Variants in WAPL observed in about 807,000 individuals in gnomAD.
WAPL encodes WAPL cohesin release factor, also known as wings apart-like protein homolog.
Under a neutral mutation model 121.0 loss-of-function variants are expected in WAPL, and 5 were observed. The ratio of observed to expected loss-of-function variants is 0.04; its 90% CI spans 0.02 to 0.09. The LOEUF (loss-of-function observed/expected upper bound fraction) is 0.09. Ranked by LOEUF, WAPL falls within the 10% of genes least tolerant of loss-of-function variation. WAPL has a pLI of 1.00. For missense variants in WAPL, 999 were observed against 1,410.8 expected (o/e 0.71, Z 4.68); for synonymous variants, 480 against 481.5 (o/e 1.00, Z 0.04).
At chr10:86,464,375 C>A (rs1054145464) in intron 9 of WAPL, among the ~76,000 whole-genome samples, 6 of 152,110 alleles carry the variant, frequency 3.9e-5, no homozygotes, top group Non-Finnish European at 1.5e-5. Context: ...TCAAGTTTAT[C>A]ATGTTATTTA....
In WAPL at chr10:86,477,715, C is replaced by T. The variant is rs141670104; in HGVS notation, c.1645-3742G>A. Reference sequence around the variant, plus strand: ...ACTTGGGAGGCTGAGGCAGGAGAATCGCTTGAACCCAGAAGGTAGAGGCTG... The same window carrying T: ...ACTTGGGAGGCTGAGGCAGGAGAATTGCTTGAACCCAGAAGGTAGAGGCTG... On this transcript the variant is annotated intron_variant, in intron 4 of 18. Coordinates refer to ENST00000298767, the MANE Select transcript of WAPL (RefSeq NM_015045.5). Among the ~76,000 whole-genome samples the T allele has an allele frequency of 4.4e-3, 671 of 152,150 alleles. 6 individuals carry two copies. The highest frequency in any genetic ancestry group is 5.2e-3 in the Non-Finnish European group (355 of 68,000).
intron 16 of WAPL, among the ~76,000 whole-genome samples, chr10:86,444,988 T>C (rs1013413400): frequency 2.7e-5 from 4 of 149,388 alleles, no homozygotes; most frequent in African/African-American, 9.9e-5. Context: ...GGTGATCAGA[T>C]TTGGGGAGGA....
At chr10:86,450,734 T>G (rs886420370) in intron 15 of WAPL, among the ~76,000 whole-genome samples, 5 of 152,232 alleles carry the variant, frequency 3.3e-5, no homozygotes, top group Non-Finnish European at 5.9e-5. Context: ...AATGATAATC[T>G]ATCACTAGTT....
At chr10:86,520,562 C>T (rs1842655644) in intron 1 of WAPL, among the ~76,000 whole-genome samples, 1 of 152,048 alleles carries the variant, frequency 6.6e-6, no homozygotes, top group Admixed American at 6.6e-5. Context: ...AAGCGTAAAG[C>T]ACTACAGATT....
In WAPL at chr10:86,472,490, AAAG is replaced by A; in HGVS notation, c.1893+119_1893+121del. The A allele has an allele frequency of 4.6e-6, 7 of 1,510,210 alleles. No homozygotes were observed. The highest frequency in any genetic ancestry group is 6.2e-6 in the Non-Finnish European group (7 of 1,126,068). The allele number at this position is 1,510,210 out of a possible 1,614,324, so 93.6% of individuals were successfully genotyped here. ...TTAGAACAAGGATGATGGTAGGACA[AAAG>A]AAGTTTGTGGTTCAAAACTGAGTAT... is the stretch of plus-strand genomic sequence containing the variant. On this transcript the variant is annotated intron_variant, in intron 6 of 18. Transcript: ENST00000298767. This position sits in a 1 kb window ranked among gnomAD's most constrained non-coding sequence, Gnocchi z 4.2.
intron 3 of WAPL, among the ~76,000 whole-genome samples, chr10:86,499,378 C>A (rs1379317847): frequency 6.6e-6 from 1 of 152,132 alleles, no homozygotes; most frequent in Admixed American, 6.5e-5. Flanking sequence ...AGTAGCCCCC[C>A]CAGCCATCAA....
chr10:86,495,713 TA>T (rs1842136395), intron 4 of WAPL, among the ~76,000 whole-genome samples: 1 of 152,072 alleles, frequency 6.6e-6, no homozygotes, highest in Non-Finnish European at 1.5e-5. Flanking sequence ...ACAATATCAA[TA>T]CAGTGAAAAA....
At chr10:86,517,424 T>C in intron 2 of WAPL, 147 bp downstream of exon 2, 1 of 1,232,608 alleles carries the variant, frequency 8.1e-7, no homozygotes, top group Non-Finnish European at 1.1e-6. Context: ...TTTAAAGTTC[T>C]TAAATGTCTT....
intron 4 of WAPL, among the ~76,000 whole-genome samples, chr10:86,488,282 T>A (rs1428217377): frequency 6.6e-6 from 1 of 152,200 alleles, no homozygotes; most frequent in African/African-American, 2.4e-5. Flanking sequence ...AGAGAGGGCC[T>A]AGAAGCAATG....
chr10:86,477,207 A>G (rs949945879), intron 4 of WAPL, among the ~76,000 whole-genome samples: 3 of 152,212 alleles, frequency 2.0e-5, no homozygotes, highest in Admixed American at 2.0e-4. Flanking sequence ...GAAACAGGGA[A>G]AGAGAGAAAA....
Position 86,472,603 on chromosome 10 carries a change from G to C in WAPL, c.1893+9C>G. ...CAACATGCAGTAAACACTGTATATG[G>C]CTGCTTACTTCTTTGTCTTCTCGTC... On this transcript the variant is annotated intron_variant, in intron 6 of 18. Coordinates refer to ENST00000298767, the MANE Select transcript of WAPL (RefSeq NM_015045.5). This position sits in a 1 kb window ranked among gnomAD's most constrained non-coding sequence, Gnocchi z 4.2. The C allele has an allele frequency of 2.5e-6, 4 of 1,612,622 alleles. No homozygotes were observed. Among genetic ancestry groups the C allele is most frequent in the Non-Finnish European group, 3.4e-6 (4 of 1,179,542 alleles).
At chr10:86,516,932 A>C (rs1296149216) in intron 2 of WAPL, among the ~76,000 whole-genome samples, 1 of 152,032 alleles carries the variant, frequency 6.6e-6, no homozygotes, top group East Asian at 1.9e-4. Flanking sequence ...AAAATACAAA[A>C]ATTAGCCAGG....
chr10:86,447,752 T>C lies in WAPL; in HGVS notation c.3115-1303A>G, dbSNP rs552290777. Among the ~76,000 whole-genome samples the C allele has an allele frequency of 2.0e-5, 3 of 152,298 alleles. No homozygotes were observed. In the South Asian group the frequency reaches 6.2e-4, roughly 32 times the overall value. Reference sequence around the variant, plus strand: ...GGAAATTATGCCCACAGACATACTTTGAAAAGTATGGCCTGGCCATGCAGG... The same window carrying C: ...GGAAATTATGCCCACAGACATACTTCGAAAAGTATGGCCTGGCCATGCAGG... On this transcript the variant is annotated intron_variant, in intron 15 of 18. Coordinates refer to ENST00000298767, the MANE Select transcript of WAPL (RefSeq NM_015045.5).
At position 86,453,278 on chromosome 10, in the gene WAPL, C is replaced by A; in HGVS notation, c.2891G>T (p.Cys964Phe). The change falls in exon 14 of 19, where the codon TGT becomes TTT. Residue 964 changes from cysteine (C) to phenylalanine (F), a missense_variant. By Grantham distance (205) the Cys-to-Phe change is radical. Around this residue, in one of 7 missense-constraint regions of WAPL, gnomAD observed 85 missense variants for 133.5 expected, o/e 0.64. Coordinates refer to ENST00000298767, the MANE Select transcript of WAPL (RefSeq NM_015045.5). ...TAGGTACTTTGGAACCTGAAGCACA[C>A]AGTTCAGCGCTGTGCCTATGAGACC... is the stretch of plus-strand genomic sequence containing the variant. ...QDGLIGTALN[C>F]VLQVPKYLPQ... The A allele has an allele frequency of 1.2e-6, 2 of 1,614,136 alleles. No homozygotes were observed. The highest frequency in any genetic ancestry group is 1.7e-6 in the Non-Finnish European group (2 of 1,180,026).
chr10:86,505,885 T>C (rs1254002233), intron 2 of WAPL, among the ~76,000 whole-genome samples: 4 of 151,934 alleles, frequency 2.6e-5, no homozygotes, highest in East Asian at 3.8e-4. Flanking sequence ...AATGGGGACT[T>C]GTAAGAAAGA....
Position 86,509,955 on chromosome 10 carries a change from C to A in WAPL, c.499+7616G>T, listed in dbSNP as rs531562052. ...AATTTTTGTTATTTTTAGTAAAGAC[C>A]GGGTTTTACCATGTTGGCCAGGCTG... On this transcript the variant is annotated intron_variant, in intron 2 of 18. Transcript: ENST00000298767. Among the ~76,000 whole-genome samples the A allele has an allele frequency of 4.3e-4, 65 of 150,712 alleles. 2 individuals are homozygous for A. In the South Asian group the frequency reaches 0.013, roughly 30 times the overall value.
At chr10:86,516,232 T>C (rs1420795197) in intron 2 of WAPL, among the ~76,000 whole-genome samples, 16 of 152,008 alleles carry the variant, frequency 1.1e-4, no homozygotes, top group Admixed American at 1.0e-3. Flanking sequence ...TGAGGAGAAA[T>C]GTGGGCAAAG....
chr10:86,467,369 C>T lies in WAPL; in HGVS notation c.2280G>A (p.Leu760=), dbSNP rs778144509. Residue 760 remains leucine (L), a synonymous_variant, in exon 9 of 19, where the codon CTG becomes CTA. Transcript: ENST00000298767. ...TAATTTTGTTCATGTCTTTTTCATT[C>T]AGTAGCTTGGCTGATGAAGCATCTT... is the stretch of plus-strand genomic sequence containing the variant. ...LEQDASSAKL[L]NEKDMNKIKE... is the part of the protein sequence containing the mutation. 33 of 1,613,992 alleles carry T rather than the reference C, an allele frequency of 2.0e-5. No individual in the cohort carries two copies. The highest frequency in any genetic ancestry group is 2.2e-5 in the Non-Finnish European group (26 of 1,179,990).
intron 4 of WAPL, among the ~76,000 whole-genome samples, chr10:86,486,670 T>C (rs1324536279): frequency 6.6e-6 from 1 of 152,078 alleles, no homozygotes; most frequent in Non-Finnish European, 1.5e-5. Context: ...AAAGTAAAGG[T>C]ATAGGCTGGG....
Sources: gnomAD v4.1 joint callset for allele counts (sites outside exome capture counted in the v4.1 genomes callset) on GRCh38, gnomAD v4.1.1 for gene constraint, gnomAD v4.1.1 regional missense constraint, Gnocchi (gnomAD v3.1) non-coding constraint, MANE v1.5 for transcripts, NCBI Gene and HGNC (gene_info 2026-07-23, HGNC 2026-07-21) for gene names.